Variants in FAT3 observed in about 807,000 individuals in gnomAD.
FAT3 encodes the protein FAT atypical cadherin 3, also known as protocadherin Fat 3.
FAT3 carries 95 observed loss-of-function variants against 310.2 expected under a neutral mutation model. That is an observed-to-expected ratio of 0.31 (90% CI 0.26 to 0.36). The LOEUF (loss-of-function observed/expected upper bound fraction) is 0.36, where lower values mean the gene tolerates loss of function less well. FAT3 is among the 10% of genes least tolerant of loss of function. FAT3 has a pLI of 1.00. For synonymous variants in FAT3, 2,314 were observed against 2,192.9 expected (o/e 1.06, Z -1.54); for missense variants, 5,408 against 5,715.6 (o/e 0.95, Z 1.74).
At chr11:92,743,147 C>T (rs953983778) in intron 4 of FAT3, among the ~76,000 whole-genome samples, 2 of 152,192 alleles carry the variant, frequency 1.3e-5, no homozygotes, top group Non-Finnish European at 2.9e-5. Flanking sequence ...TGCTTAGACT[C>T]CCTTGGTCTT....
intron 3 of FAT3, among the ~76,000 whole-genome samples, chr11:92,657,991 A>C (rs2135783758): frequency 6.6e-6 from 1 of 152,354 alleles, no homozygotes; most frequent in South Asian, 2.1e-4. Flanking sequence ...ACATTAAAAA[A>C]GTGAAAAAAA....
rs375587754 is a variant in FAT3 at position 92,883,378 on chromosome 11, G to C, written c.12922G>C (p.Asp4308His). ...CGACTCCATCCGGAAGAATGGCTGG[G>C]ACGCGGGAACTGAGAGTGAGTAGGA... ...DCDSIRKNGW[D>H]AGTENKGVDD... Residue 4308 changes from aspartate (D) to histidine (H), a missense_variant, in exon 24 of 28, where the codon GAC becomes CAC. Asp to His is a moderately conservative substitution (Grantham distance 81). This residue lies in a region of FAT3 where 649 missense variants were observed against 666.2 expected (regional missense o/e 0.97). Transcript: ENST00000525166. The surrounding 1 kb of genome is among the most constrained non-coding windows in gnomAD (Gnocchi z 4.2). 8.7e-6 allele frequency: 14 copies of C among 1,603,272 alleles called. No homozygotes were observed. Among genetic ancestry groups the C allele is most frequent in the South Asian group, 1.1e-5 (1 of 90,444 alleles).
chr11:92,426,472 T>C (rs944757963), intron 2 of FAT3, among the ~76,000 whole-genome samples: 19 of 152,198 alleles, frequency 1.2e-4, no homozygotes, highest in African/African-American at 4.6e-4. Flanking sequence ...CTGAAAGGTA[T>C]TGCCTGTATT....
chr11:92,590,557 T>C (rs1939373750), intron 3 of FAT3, among the ~76,000 whole-genome samples: 1 of 152,154 alleles, frequency 6.6e-6, no homozygotes, highest in African/African-American at 2.4e-5. Context: ...AACTCAGATT[T>C]TAGTTAATTA....
rs767626429 is a variant in FAT3 at position 92,354,283 on chromosome 11, A to G, written c.2171A>G (p.Tyr724Cys). 3 of 1,613,602 alleles carry G rather than the reference A, an allele frequency of 1.9e-6. No homozygotes were observed. The highest frequency in any genetic ancestry group is 2.5e-6 in the Non-Finnish European group (3 of 1,179,838). ...TATTCAATTAATAGACAGGGACCAT[A>G]TTTTGACAAGTCTTTTCCTTCTGAT... ...DFYSINRQGP[Y>C]FDKSFPSDVA... The change falls in exon 2 of 28, where the codon TAT becomes TGT. Residue 724 changes from tyrosine (Y) to cysteine (C), a missense_variant. Coordinates refer to ENST00000525166, the MANE Select transcript of FAT3 (RefSeq NM_001367949.2).
Position 92,810,061 on chromosome 11 carries a change from G to T in FAT3, c.9466G>T (p.Val3156Leu). 1 of 1,613,662 alleles carries T rather than the reference G, an allele frequency of 6.2e-7. No homozygotes were observed. Among genetic ancestry groups the T allele is most frequent in the Non-Finnish European group, 8.5e-7 (1 of 1,179,770 alleles). Residue 3156 changes from valine to leucine, a missense_variant, in exon 13 of 28, where the codon GTG becomes TTG. This residue lies in a region of FAT3 where 4,588 missense variants were observed against 4,809.8 expected (regional missense o/e 0.95). Transcript: ENST00000525166. ...TKALLTRVQA[V>L]DPDIGINRKV... is the part of the protein sequence containing the mutation. Reference sequence around the variant, plus strand: ...GGCTCTGTTGACCAGAGTTCAAGCCGTGGACCCCGACATTGGTAAGTCAGT... The same window carrying T: ...GGCTCTGTTGACCAGAGTTCAAGCCTTGGACCCCGACATTGGTAAGTCAGT...
At chr11:92,754,385 G>A (rs566970405) in intron 4 of FAT3, among the ~76,000 whole-genome samples, 50 of 151,858 alleles carry the variant, frequency 3.3e-4, no homozygotes, top group African/African-American at 1.2e-3. Flanking sequence ...CAGCAGTTTG[G>A]GAGGCCGAGG....
intron 2 of FAT3, among the ~76,000 whole-genome samples, chr11:92,492,348 A>G (rs941637236): frequency 5.3e-5 from 8 of 151,630 alleles, no homozygotes; most frequent in Non-Finnish European, 1.0e-4. Context: ...TCCTGGCTTT[A>G]GCATTTGCTT....
chr11:92,718,418 C>T (rs991756361), intron 4 of FAT3, among the ~76,000 whole-genome samples: 1 of 151,958 alleles, frequency 6.6e-6, no homozygotes, highest in Non-Finnish European at 1.5e-5. Context: ...CTGGGGTCCA[C>T]GTGGTTTGAC....
At position 92,777,161 on chromosome 11, in the gene FAT3, G is replaced by A. The variant is rs143377211; in HGVS notation, c.4335+2981G>A. On this transcript the variant is annotated intron_variant, in intron 7 of 27. Transcript: ENST00000525166. ...CATATAACTAAATAAATGTCCTGTA[G>A]CCCCAAAACACCTGTTTAGTTTTCC... Among the ~76,000 whole-genome samples the A allele has an allele frequency of 1.4e-4, 21 of 152,234 alleles. No individual in the cohort carries two copies. In the East Asian group the frequency reaches 4.1e-3, roughly 29 times the overall value.
At chr11:92,435,242 T>C (rs1247029465) in intron 2 of FAT3, among the ~76,000 whole-genome samples, 2 of 152,112 alleles carry the variant, frequency 1.3e-5, no homozygotes, top group African/African-American at 4.8e-5. Context: ...AGCTCAGAAC[T>C]CACATTCAGG....
chr11:92,446,560 A>G (rs1040404261), intron 2 of FAT3, among the ~76,000 whole-genome samples: 2 of 152,158 alleles, frequency 1.3e-5, no homozygotes, highest in Admixed American at 6.5e-5. Context: ...AAAAAAAAAA[A>G]TCAAAACCAC....
intron 1 of FAT3, among the ~76,000 whole-genome samples, chr11:92,229,507 G>GTTTTTTTTTTTTTTTT (rs1565339350): frequency 6.9e-5 from 4 of 58,166 alleles, no homozygotes; most frequent in East Asian, 6.6e-4. Context: ...TTTTTTTTTT[G>GTTTTTTTTTTTTTTTT]TTTTTTGTTT....
chr11:92,619,781 A>G lies in FAT3; in HGVS notation c.3608-77603A>G, dbSNP rs79990474. 7.2e-3 allele frequency among the ~76,000 whole-genome samples: 1,086 copies of G among 151,400 alleles called. 14 individuals carry two copies. Among genetic ancestry groups the G allele is most frequent in the African/African-American group, 0.025 (1,025 of 41,302 alleles). Reference sequence around the variant, plus strand: ...TGATCACTCTAGCTCAATTTTGTCAAATTTGTTGAGCTTTTTAAAAAAAAC... The same window carrying G: ...TGATCACTCTAGCTCAATTTTGTCAGATTTGTTGAGCTTTTTAAAAAAAAC... On this transcript the variant is annotated intron_variant, in intron 3 of 27. Transcript: ENST00000525166.
chr11:92,286,670 T>C (rs1468199573), intron 1 of FAT3, among the ~76,000 whole-genome samples: 1 of 152,188 alleles, frequency 6.6e-6, no homozygotes, highest in Non-Finnish European at 1.5e-5. Flanking sequence ...CATTTTACCA[T>C]AGGATAGCAT....
rs1951018470 is a variant in FAT3 at position 92,439,373 on chromosome 11, T to G, written c.3292+83969T>G. On this transcript the variant is annotated intron_variant, in intron 2 of 27. Coordinates refer to ENST00000525166, the MANE Select transcript of FAT3 (RefSeq NM_001367949.2). ...ACAATATGAAAGCCAGAACTCTCCCTATAAGATAAGAAGAAAAATTCCTAA... is the reference window on the plus strand; with the variant it reads ...ACAATATGAAAGCCAGAACTCTCCCGATAAGATAAGAAGAAAAATTCCTAA... 2.6e-5 allele frequency among the ~76,000 whole-genome samples: 4 copies of G among 152,176 alleles called. 1 individual carries two copies. Among genetic ancestry groups the G allele is most frequent in the African/African-American group, 9.6e-5 (4 of 41,464 alleles).
intron 7 of FAT3, among the ~76,000 whole-genome samples, chr11:92,775,598 G>A (rs1946579001): frequency 6.6e-6 from 1 of 152,152 alleles, no homozygotes; most frequent in Non-Finnish European, 1.5e-5. Context: ...TCCCATTTAT[G>A]TCTGTGGAAT....
Position 92,352,952 on chromosome 11 carries a change from A to T in FAT3, c.840A>T (p.Pro280=). The T allele has an allele frequency of 6.2e-7, 1 of 1,613,916 alleles. No individual in the cohort carries two copies. The highest frequency in any genetic ancestry group is 8.5e-7 in the Non-Finnish European group (1 of 1,179,866). The change falls in exon 2 of 28, where the codon CCA becomes CCT. Residue 280 remains proline, a synonymous_variant. Coordinates refer to ENST00000525166, the MANE Select transcript of FAT3 (RefSeq NM_001367949.2). Reference sequence around the variant, plus strand: ...TTCCTTTCTCGTTGGAAAAAGAGCCAACATATGCAGTGGTGACAGTTGATG... The same window carrying T: ...TTCCTTTCTCGTTGGAAAAAGAGCCTACATATGCAGTGGTGACAGTTGATG... ...THVPFSLEKE[P]TYAVVTVDDL...
intron 4 of FAT3, among the ~76,000 whole-genome samples, chr11:92,742,192 C>T (rs1420973437): frequency 1.3e-5 from 2 of 152,138 alleles, no homozygotes; most frequent in Non-Finnish European, 2.9e-5. Context: ...GAATTGGGGA[C>T]GTGTTAGCAT....
Sources: gnomAD v4.1 joint callset for allele counts (sites outside exome capture counted in the v4.1 genomes callset) on GRCh38, gnomAD v4.1.1 for gene constraint, gnomAD v4.1.1 regional missense constraint, Gnocchi (gnomAD v3.1) non-coding constraint, MANE v1.5 for transcripts, NCBI Gene and HGNC (gene_info 2026-07-23, HGNC 2026-07-21) for gene names.